Variants in RPS6KA5 observed in about 807,000 individuals in gnomAD.
The protein encoded by RPS6KA5 is ribosomal protein S6 kinase alpha-5.
Under a neutral mutation model 85.5 loss-of-function variants are expected in RPS6KA5, and 27 were observed. The observed-to-expected ratio is 0.32, with a 90% confidence interval of 0.23 to 0.44. The LOEUF (loss-of-function observed/expected upper bound fraction) is 0.44. Ranked by LOEUF, RPS6KA5 falls within the 20% of genes least tolerant of loss-of-function variation. RPS6KA5 has a pLI of 1.00. For synonymous variants in RPS6KA5, 334 were observed against 348.2 expected (o/e 0.96, Z 0.46); for missense variants, 811 against 980.9 (o/e 0.83, Z 2.31).
In RPS6KA5 at chr14:90,869,291, C is replaced by T. The variant is rs940799566; in HGVS notation, c.*2783G>A. The T allele has an allele frequency of 1.3e-5, 2 of 152,164 alleles. No individual in the cohort carries two copies. Among genetic ancestry groups the T allele is most frequent in the African/African-American group, 4.8e-5 (2 of 41,434 alleles). 9.4% of individuals were successfully genotyped at this position (152,164 alleles called of 1,614,324 possible). ...ATTCTCCAGTCTTATACTCCCAAAG[C>T]ACAAGGATTACAGGCCTGAGCCACC... On this transcript the variant is annotated 3_prime_UTR_variant, in exon 17 of 17. Coordinates refer to ENST00000614987, the MANE Select transcript of RPS6KA5 (RefSeq NM_004755.4).
At chr14:91,023,817 A>G (rs2041886968) in intron 1 of RPS6KA5, among the ~76,000 whole-genome samples, 2 of 152,206 alleles carry the variant, frequency 1.3e-5, no homozygotes. Context: ...TAAAATATTA[A>G]AATCTAACAA....
At chr14:90,895,768 C>T (rs1389197008) in intron 12 of RPS6KA5, among the ~76,000 whole-genome samples, 1 of 151,982 alleles carries the variant, frequency 6.6e-6, no homozygotes, top group Non-Finnish European at 1.5e-5. Context: ...CGCACGCCTA[C>T]AGTCCCAGCT....
chr14:90,957,395 T>A (rs1260901733), intron 3 of RPS6KA5, among the ~76,000 whole-genome samples: 3 of 152,202 alleles, frequency 2.0e-5, no homozygotes, highest in Non-Finnish European at 4.4e-5. Flanking sequence ...CTTTATTTAA[T>A]AACTTGGCTT....
At chr14:90,909,247 G>A (rs2035674964) in intron 7 of RPS6KA5, among the ~76,000 whole-genome samples, 1 of 152,184 alleles carries the variant, frequency 6.6e-6, no homozygotes, top group African/African-American at 2.4e-5. Flanking sequence ...TTTCTTGGGT[G>A]TTGCTGTCAC....
intron 7 of RPS6KA5, among the ~76,000 whole-genome samples, chr14:90,910,984 G>A (rs2035788546): frequency 6.6e-6 from 1 of 152,030 alleles, no homozygotes; most frequent in South Asian, 2.1e-4. Flanking sequence ...TGTGCCTGGG[G>A]ATGCTCTTAA....
At chr14:90,916,679 TCACACACA>T (rs10615964) in intron 7 of RPS6KA5, among the ~76,000 whole-genome samples, 127 of 150,700 alleles carry the variant, frequency 8.4e-4, no homozygotes, top group Middle Eastern at 3.4e-3. Context: ...TAAATTTCTG[TCACACACA>T]CACACACACA....
At chr14:90,882,762 A>C (rs904726087) in intron 14 of RPS6KA5, among the ~76,000 whole-genome samples, 1 of 151,944 alleles carries the variant, frequency 6.6e-6, no homozygotes, top group Non-Finnish European at 1.5e-5. Context: ...GATCTAACTG[A>C]AGATCACTTG....
At chr14:91,011,209 C>T (rs1316063592) in intron 1 of RPS6KA5, among the ~76,000 whole-genome samples, 11 of 152,068 alleles carry the variant, frequency 7.2e-5, no homozygotes, top group Non-Finnish European at 1.5e-5. Flanking sequence ...AAAAACAGGC[C>T]AGGCACGGTG....
intron 4 of RPS6KA5, among the ~76,000 whole-genome samples, chr14:90,943,941 C>G (rs2037730472): frequency 6.6e-6 from 1 of 152,170 alleles, no homozygotes; most frequent in African/African-American, 2.4e-5. Flanking sequence ...CAACTTCAAA[C>G]TTCTGGGCTA....
chr14:90,852,049 G>A lies in RPS6KA5; in HGVS notation c.*20025C>T, dbSNP rs2032021751. 1.4e-5 allele frequency: 2 copies of A among 145,642 alleles called. No homozygotes were observed. Among genetic ancestry groups the A allele is most frequent in the East Asian group, 2.1e-4 (1 of 4,776 alleles). The allele number at this position is 145,642 out of a possible 1,614,324, so 9.0% of individuals were successfully genotyped here. ...AAACGTGGCATTCATCTACAGCAAAGACAAATTATCGGTATCTTTTCTTTA... is the reference window on the plus strand; with the variant it reads ...AAACGTGGCATTCATCTACAGCAAAAACAAATTATCGGTATCTTTTCTTTA... On this transcript the variant is annotated 3_prime_UTR_variant, in exon 17 of 17. Transcript: ENST00000614987.
intron 1 of RPS6KA5, among the ~76,000 whole-genome samples, chr14:91,028,300 C>T (rs1011298682): frequency 4.4e-4 from 67 of 152,064 alleles, no homozygotes; most frequent in African/African-American, 1.5e-3. Flanking sequence ...TCACTGCCAC[C>T]TCGACCTCCC....
At chr14:90,908,646 G>A (rs1307072570) in intron 7 of RPS6KA5, among the ~76,000 whole-genome samples, 1 of 152,092 alleles carries the variant, frequency 6.6e-6, no homozygotes, top group Non-Finnish European at 1.5e-5. Flanking sequence ...GAGGAGAAAG[G>A]GCCTATAGCA....
intron 1 of RPS6KA5, among the ~76,000 whole-genome samples, chr14:91,050,660 C>T (rs2043041162): frequency 6.6e-6 from 1 of 152,106 alleles, no homozygotes; most frequent in Admixed American, 6.5e-5. Flanking sequence ...AACTCCCGAC[C>T]CCAGGTGATA....
intron 5 of RPS6KA5, among the ~76,000 whole-genome samples, chr14:90,928,254 C>T (rs777288616): frequency 1.3e-5 from 2 of 151,864 alleles, no homozygotes; most frequent in Non-Finnish European, 2.9e-5. Flanking sequence ...AATAAAAATA[C>T]TATATATAAG....
At chr14:90,898,901 G>T (rs928814905) in intron 12 of RPS6KA5, among the ~76,000 whole-genome samples, 2 of 152,188 alleles carry the variant, frequency 1.3e-5, no homozygotes, top group African/African-American at 4.8e-5. Flanking sequence ...CCTTTAGCTT[G>T]CATTAATTAG....
intron 1 of RPS6KA5, among the ~76,000 whole-genome samples, chr14:91,015,136 GTTT>G (rs2041432743): frequency 6.6e-6 from 1 of 152,152 alleles, no homozygotes. Context: ...TTGCACAGAG[GTTT>G]TTAAGATTTA....
chr14:90,884,346 C>T (rs998672452), intron 14 of RPS6KA5, among the ~76,000 whole-genome samples: 22 of 152,230 alleles, frequency 1.4e-4, no homozygotes, highest in African/African-American at 3.9e-4. Context: ...ACTTTCTGAG[C>T]GCCAACATGC....
chr14:90,858,809 C>G lies in RPS6KA5; in HGVS notation c.*13265G>C, dbSNP rs114714757. 1.9e-4 allele frequency: 29 copies of G among 152,292 alleles called. No homozygotes were observed. Among genetic ancestry groups the G allele is most frequent in the African/African-American group, 5.8e-4 (24 of 41,566 alleles). The allele number at this position is 152,292 out of a possible 1,614,324, so 9.4% of individuals were successfully genotyped here. The stretch of plus-strand genomic sequence containing the variant: ...ATTCACAACACAGGGAAATAAATAC[C>G]TAGCAGCAAGCAGTAATCCCACTTG... On this transcript the variant is annotated 3_prime_UTR_variant, in exon 17 of 17. Coordinates refer to ENST00000614987, the MANE Select transcript of RPS6KA5 (RefSeq NM_004755.4).
In RPS6KA5 at chr14:90,871,726, T is replaced by G. The variant is rs957237865; in HGVS notation, c.*348A>C. On this transcript the variant is annotated 3_prime_UTR_variant, in exon 17 of 17. Transcript: ENST00000614987. Reference sequence around the variant, plus strand: ...CCACAAGGCAAAGCAAAAGGTATCATCACAGTATGAGTCATTTCTTGTTGG... The same window carrying G: ...CCACAAGGCAAAGCAAAAGGTATCAGCACAGTATGAGTCATTTCTTGTTGG... 5.6e-6 allele frequency: 1 copy of G among 178,010 alleles called. No individual in the cohort carries two copies. Among genetic ancestry groups the G allele is most frequent in the Admixed American group, 5.6e-5 (1 of 17,930 alleles). The allele number at this position is 178,010 out of a possible 1,614,324, so 11.0% of individuals were successfully genotyped here.
Sources: allele counts gnomAD v4.1 joint callset (sites outside exome capture counted in the v4.1 genomes callset), GRCh38; gene constraint gnomAD v4.1.1; transcripts MANE v1.5; gene names NCBI Gene and HGNC (gene_info 2026-07-23, HGNC 2026-07-21).